The following ROBO2 variants were observed in gnomAD, a reference collection of about 807,000 sequenced individuals.
ROBO2 encodes the protein roundabout homolog 2.
A neutral mutation model predicts 160.8 loss-of-function variants in ROBO2; 53 were observed. The observed-to-expected ratio is 0.33, with a 90% CI of 0.26 to 0.41. The LOEUF is 0.41. Among genes scored for constraint, ROBO2 ranks in the 10% least tolerant of loss-of-function variants. The pLI is 1.00. For missense variants in ROBO2, 1,577 were observed against 1,722.4 expected (o/e 0.92, Z 1.49); for synonymous variants, 664 against 611.7 (o/e 1.09, Z -1.26).
chr3:75,924,471 T>G lies in ROBO2; in HGVS notation c.-13-13010T>G, dbSNP rs564472598. 2.8e-4 allele frequency among the ~76,000 whole-genome samples: 42 copies of G among 152,152 alleles called. 1 individual carries two copies. The South Asian group carries it at 8.3e-3, about 30-fold the overall frequency. ...ATCTCCTGACAAAATATAGACTTGA[T>G]GATAACTCGATTTTAGCACACTAAG... On this transcript the variant is annotated intron_variant, in intron 1 of 26. Transcript: ENST00000487694.
intron 2 of ROBO2, among the ~76,000 whole-genome samples, chr3:76,457,311 A>C (rs923625475): frequency 6.6e-6 from 1 of 152,208 alleles, no homozygotes; most frequent in Non-Finnish European, 1.5e-5. Flanking sequence ...GCCAAAACAA[A>C]GGGGCTGCAA....
chr3:76,358,719 T>C (rs982124153), intron 2 of ROBO2, among the ~76,000 whole-genome samples: 3 of 152,112 alleles, frequency 2.0e-5, no homozygotes, highest in Non-Finnish European at 4.4e-5. Context: ...GTTCAGACAA[T>C]AGGCATTAGA....
intron 4 of ROBO2, among the ~76,000 whole-genome samples, chr3:77,492,692 T>C (rs2086281133): frequency 6.6e-6 from 1 of 152,172 alleles, no homozygotes; most frequent in Non-Finnish European, 1.5e-5. Context: ...CATCTTTCCA[T>C]ACATGAAGTT....
chr3:76,431,187 C>T (rs1393637677), intron 2 of ROBO2, among the ~76,000 whole-genome samples: 4 of 151,830 alleles, frequency 2.6e-5, no homozygotes, highest in African/African-American at 9.7e-5. Flanking sequence ...TAAATATAAC[C>T]GCATCTTTGG....
chr3:76,149,080 C>G (rs1030978020), intron 2 of ROBO2, among the ~76,000 whole-genome samples: 5 of 152,016 alleles, frequency 3.3e-5, no homozygotes, highest in African/African-American at 9.7e-5. Context: ...CTCACTCACT[C>G]AGTTTTTTTT....
At chr3:76,946,071 C>T (rs927402167) in intron 2 of ROBO2, among the ~76,000 whole-genome samples, 3 of 152,132 alleles carry the variant, frequency 2.0e-5, no homozygotes, top group African/African-American at 4.8e-5. Context: ...TTCTGAGATA[C>T]GGTTCCTTAG....
chr3:76,933,207 A>C (rs1463962872), intron 2 of ROBO2, among the ~76,000 whole-genome samples: 1 of 152,234 alleles, frequency 6.6e-6, no homozygotes, highest in Non-Finnish European at 1.5e-5. Flanking sequence ...AATATTGCCA[A>C]AAATATGTTA....
intron 2 of ROBO2, among the ~76,000 whole-genome samples, chr3:76,427,920 C>T (rs965211857): frequency 6.6e-6 from 1 of 152,054 alleles, no homozygotes; most frequent in Admixed American, 6.5e-5. Flanking sequence ...ACACTGCAAA[C>T]CCACCCTTGA....
intron 2 of ROBO2, among the ~76,000 whole-genome samples, chr3:76,787,789 C>T (rs982871919): frequency 2.0e-5 from 3 of 151,358 alleles, no homozygotes; most frequent in Non-Finnish European, 3.0e-5. Flanking sequence ...TTTGGATCTA[C>T]AGCAAGTACT....
At chr3:77,415,114 T>C (rs1015540190) in intron 2 of ROBO2, among the ~76,000 whole-genome samples, 1 of 152,180 alleles carries the variant, frequency 6.6e-6, no homozygotes, top group Non-Finnish European at 1.5e-5. Context: ...ATGTTTGCCA[T>C]TACTGTAATT....
chr3:77,100,573 A>G (rs1158029329), intron 2 of ROBO2, among the ~76,000 whole-genome samples: 2 of 151,806 alleles, frequency 1.3e-5, no homozygotes, highest in Non-Finnish European at 2.9e-5. Context: ...CATATTTTAG[A>G]AAACTCAACA....
intron 2 of ROBO2, among the ~76,000 whole-genome samples, chr3:76,119,521 ATTGAT>A (rs1421673185): frequency 6.6e-6 from 1 of 152,006 alleles, no homozygotes; most frequent in Non-Finnish European, 1.5e-5. Flanking sequence ...TTATATAATT[ATTGAT>A]TTGATATTCT....
chr3:77,165,133 G>T (rs1282779816), intron 2 of ROBO2, among the ~76,000 whole-genome samples: 6 of 151,772 alleles, frequency 4.0e-5, no homozygotes, highest in Non-Finnish European at 8.8e-5. Flanking sequence ...GGGAAAGGCG[G>T]GGAAAAGATT....
At chr3:77,460,496 G>A (rs2082132481) in intron 2 of ROBO2, among the ~76,000 whole-genome samples, 1 of 152,136 alleles carries the variant, frequency 6.6e-6, no homozygotes, top group Non-Finnish European at 1.5e-5. Context: ...TCAGAAGAAT[G>A]TGTGGCTGGA....
chr3:76,209,101 A>G (rs757947346), intron 2 of ROBO2, among the ~76,000 whole-genome samples: 1 of 152,196 alleles, frequency 6.6e-6, no homozygotes, highest in Non-Finnish European at 1.5e-5. Flanking sequence ...CAACTTTGTC[A>G]GAACTATTTT....
intron 1 of ROBO2, among the ~76,000 whole-genome samples, chr3:77,066,040 T>G (rs976687827): frequency 6.6e-6 from 1 of 152,104 alleles, no homozygotes. Context: ...TAAAAAAATG[T>G]GTATAAAAAT....
At chr3:76,358,561 T>G (rs2075312952) in intron 2 of ROBO2, among the ~76,000 whole-genome samples, 1 of 152,040 alleles carries the variant, frequency 6.6e-6, no homozygotes, top group Non-Finnish European at 1.5e-5. Flanking sequence ...CATGTTAGGA[T>G]ATTCACTAAT....
At chr3:76,472,570 G>A (rs773862819) in intron 2 of ROBO2, among the ~76,000 whole-genome samples, 1 of 152,054 alleles carries the variant, frequency 6.6e-6, no homozygotes. Context: ...TATGTCAATT[G>A]CTTTAATAAC....
At chr3:76,746,594 G>C (rs537517969) in intron 2 of ROBO2, among the ~76,000 whole-genome samples, 1 of 152,136 alleles carries the variant, frequency 6.6e-6, no homozygotes, top group South Asian at 2.1e-4. Context: ...GTGATGGTGA[G>C]CATTTAATCC....
Sources: allele counts gnomAD v4.1 joint callset (sites outside exome capture counted in the v4.1 genomes callset), GRCh38; gene constraint gnomAD v4.1.1; transcripts MANE v1.5; gene names NCBI Gene and HGNC (gene_info 2026-07-23, HGNC 2026-07-21).